Variants in GNAO1 observed in about 807,000 individuals in gnomAD.
The protein encoded by GNAO1 is guanine nucleotide-binding protein G(o) subunit alpha.
For missense variants in GNAO1, 166 were observed against 478.7 expected (o/e 0.35, Z 6.10); for synonymous variants, 164 against 180.7 (o/e 0.91, Z 0.74).
intron 6 of GNAO1, chr16:56,346,044 T>C: frequency 1.0e-6 from 1 of 985,390 alleles, no homozygotes; most frequent in Non-Finnish European, 1.2e-6. Context: ...GAGGAGTGGG[T>C]GCTCAGCCCT....
At chr16:56,219,459 G>T (rs2036464576) in intron 2 of GNAO1, among the ~76,000 whole-genome samples, 1 of 152,096 alleles carries the variant, frequency 6.6e-6, no homozygotes, top group Non-Finnish European at 1.5e-5. Context: ...AGCTTCTTGG[G>T]GGAGTCCTTA....
chr16:56,335,650 G>C (rs559958460), intron 5 of GNAO1, among the ~76,000 whole-genome samples: 2 of 152,200 alleles, frequency 1.3e-5, no homozygotes, highest in African/African-American at 4.8e-5. Context: ...CGCAGATCTG[G>C]GGAGCAAAAC....
intron 2 of GNAO1, among the ~76,000 whole-genome samples, chr16:56,223,473 G>A (rs560747626): frequency 3.9e-5 from 6 of 152,258 alleles, no homozygotes; most frequent in African/African-American, 1.2e-4. Context: ...GGACCTACCC[G>A]GATAATCCAG....
At position 56,213,408 on chromosome 16, in the gene GNAO1, T is replaced by C. The variant is rs149458710; in HGVS notation, c.161+20792T>C. On this transcript the variant is annotated intron_variant, in intron 2 of 8. Transcript: ENST00000262493. ...ACAGGCAATAAATAAGGAAAATACATAGTAGTATTATACATCAGCTGGTGA... is the reference window on the plus strand; with the variant it reads ...ACAGGCAATAAATAAGGAAAATACACAGTAGTATTATACATCAGCTGGTGA... The C allele has an allele frequency of 6.4e-4, 255 of 398,424 alleles. 1 individual carries two copies. Among genetic ancestry groups the C allele is most frequent in the African/African-American group, 4.8e-3 (233 of 48,718 alleles). 24.7% of individuals were successfully genotyped at this position (398,424 alleles called of 1,614,324 possible).
At chr16:56,336,651 C>G in intron 5 of GNAO1, 80 bp from the exon 6 acceptor site, 1 of 1,353,966 alleles carries the variant, frequency 7.4e-7, no homozygotes, top group Non-Finnish European at 1.0e-6. Flanking sequence ...TCCTCTGCCT[C>G]TCAGCGTGCT....
chr16:56,248,596 G>A (rs1226524240), intron 2 of GNAO1, among the ~76,000 whole-genome samples: 2 of 152,194 alleles, frequency 1.3e-5, no homozygotes, highest in Admixed American at 1.3e-4. Flanking sequence ...AAATAAACAG[G>A]GAGGGACTTA....
At chr16:56,314,454 T>C (rs559282816) in intron 3 of GNAO1, among the ~76,000 whole-genome samples, 22 of 152,302 alleles carry the variant, frequency 1.4e-4, no homozygotes, top group African/African-American at 4.3e-4. Flanking sequence ...CACCCTTACA[T>C]TTGCAGCACG....
chr16:56,263,835 A>G (rs1211862728), intron 2 of GNAO1, among the ~76,000 whole-genome samples: 1 of 152,222 alleles, frequency 6.6e-6, no homozygotes, highest in Non-Finnish European at 1.5e-5. Context: ...CCTGTCCAAG[A>G]GGCTGGGCAA....
intron 2 of GNAO1, among the ~76,000 whole-genome samples, chr16:56,221,100 C>T (rs551675047): frequency 1.3e-5 from 2 of 152,148 alleles, no homozygotes; most frequent in East Asian, 1.9e-4. Context: ...CCCTTCCATG[C>T]CCTTTTGCCC....
intron 2 of GNAO1, among the ~76,000 whole-genome samples, chr16:56,206,777 T>C (rs1273288132): frequency 6.6e-6 from 1 of 152,214 alleles, no homozygotes; most frequent in Non-Finnish European, 1.5e-5. Context: ...GGCCGTCCTG[T>C]GGAAGGTACA....
intron 2 of GNAO1, among the ~76,000 whole-genome samples, chr16:56,202,295 A>G (rs1224859512): frequency 2.0e-5 from 3 of 152,206 alleles, no homozygotes; most frequent in Non-Finnish European, 4.4e-5. Flanking sequence ...AGCAGTTTCA[A>G]TAGACTGGTG....
intron 2 of GNAO1, among the ~76,000 whole-genome samples, chr16:56,254,508 C>G (rs981062221): frequency 6.6e-6 from 1 of 152,120 alleles, no homozygotes; most frequent in South Asian, 2.1e-4. Context: ...TTTGTTTGCA[C>G]TTGCCTAGTA....
intron 2 of GNAO1, among the ~76,000 whole-genome samples, chr16:56,248,374 C>T (rs1432654285): frequency 6.6e-6 from 1 of 152,174 alleles, no homozygotes; most frequent in African/African-American, 2.4e-5. Flanking sequence ...TTTGTGAACA[C>T]CTACTGTGTC....
At chr16:56,209,718 A>G (rs1408966002) in intron 2 of GNAO1, among the ~76,000 whole-genome samples, 1 of 152,042 alleles carries the variant, frequency 6.6e-6, no homozygotes, top group African/African-American at 2.4e-5. Flanking sequence ...AATGTTTACA[A>G]TGGTCTTGTA....
intron 2 of GNAO1, among the ~76,000 whole-genome samples, chr16:56,220,195 C>A (rs1567442991): frequency 6.6e-6 from 1 of 152,278 alleles, no homozygotes; most frequent in Admixed American, 6.5e-5. Flanking sequence ...GACAAGGCTC[C>A]TGAGTCCTAG....
chr16:56,256,726 G>T (rs567129644), intron 2 of GNAO1, among the ~76,000 whole-genome samples: 10 of 54,318 alleles, frequency 1.8e-4, no homozygotes, highest in Non-Finnish European at 2.8e-4. Context: ...CTCTGTGTGT[G>T]TGTGTGTGTG....
chr16:56,315,606 G>A (rs1295205591), intron 3 of GNAO1, among the ~76,000 whole-genome samples: 1 of 152,094 alleles, frequency 6.6e-6, no homozygotes, highest in Non-Finnish European at 1.5e-5. Context: ...AGACAAAGAG[G>A]CACCACGTAA....
chr16:56,294,497 C>A (rs2037265180), intron 3 of GNAO1, among the ~76,000 whole-genome samples: 1 of 152,104 alleles, frequency 6.6e-6, no homozygotes, highest in Non-Finnish European at 1.5e-5. Flanking sequence ...GTGTAAACAT[C>A]ATTTGTTTGT....
rs931637198 is a variant in GNAO1 at position 56,260,659 on chromosome 16, G to C, written c.162-15272G>C. Among the ~76,000 whole-genome samples the C allele has an allele frequency of 2.0e-5, 3 of 152,236 alleles. No individual in the cohort carries two copies. The East Asian group carries it at 5.8e-4, about 30-fold the overall frequency. On this transcript the variant is annotated intron_variant, in intron 2 of 8. Coordinates refer to ENST00000262493, the MANE Select transcript of GNAO1 (RefSeq NM_020988.3). ...ACTGCCCCACCCAAACATCCCTAGA[G>C]AGGGGATCGATGTGGAAGCCCACAA...
Sources: allele counts gnomAD v4.1 joint callset (sites outside exome capture counted in the v4.1 genomes callset), GRCh38; gene constraint gnomAD v4.1.1; transcripts MANE v1.5; gene names NCBI Gene and HGNC (gene_info 2026-07-23, HGNC 2026-07-21).